Variants in FYCO1 observed in about 807,000 individuals in gnomAD.
FYCO1 encodes the protein FYVE and coiled-coil domain-containing protein 1.
Under a neutral mutation model 165.1 loss-of-function variants are expected in FYCO1, and 122 were observed. That is an observed-to-expected ratio of 0.74 (90% CI 0.64 to 0.86). FYCO1 has a LOEUF of 0.86. FYCO1 is among the 40% of genes least tolerant of loss of function. FYCO1 has a pLI of 0.00. For synonymous variants in FYCO1, 648 were observed against 742.5 expected, an observed-to-expected ratio of 0.87 and a Z score of 2.07; for missense variants, 1,702 against 1,810.3, an observed-to-expected ratio of 0.94 and a Z score of 1.09.
intron 1 of FYCO1, among the ~76,000 whole-genome samples, chr3:45,987,877 G>A (rs1186515620): frequency 6.6e-6 from 1 of 152,212 alleles, no homozygotes; most frequent in African/African-American, 2.4e-5. Context: ...AACAATGTCT[G>A]CAAACCCAAA....
chr3:45,988,259 C>T (rs1297944175), intron 1 of FYCO1, among the ~76,000 whole-genome samples: 1 of 152,136 alleles, frequency 6.6e-6, no homozygotes, highest in Non-Finnish European at 1.5e-5. Context: ...TTCAGGAACT[C>T]AGCATCTTGC....
At chr3:45,973,309 C>T (rs1706548883) in intron 5 of FYCO1, 78 bp from the exon 6 acceptor site, 1 of 1,436,352 alleles carries the variant, frequency 7.0e-7, no homozygotes. Context: ...GTGGCTCTGC[C>T]TCATCGAATT....
intron 1 of FYCO1, among the ~76,000 whole-genome samples, chr3:45,989,878 T>C (rs1477349268): frequency 6.6e-6 from 1 of 152,164 alleles, no homozygotes; most frequent in African/African-American, 2.4e-5. Context: ...AGGTGGGCAG[T>C]TGCTCAAGGG....
At position 45,967,854 on chromosome 3, in the gene FYCO1, T is replaced by A; in HGVS notation, c.1480A>T (p.Lys494Ter). 1.9e-6 allele frequency: 3 copies of A among 1,613,980 alleles called. No homozygotes were observed. The highest frequency in any genetic ancestry group is 1.7e-6 in the Non-Finnish European group (2 of 1,179,994). Reference protein sequence around the residue: ...EEELAELRREKKQQQEEKELL... With the variant: ...EEELAELRRE ...TCCTTCTCCTCCTGTTGCTGTTTTTTCTCCCGCCTCAACTCTGCTAGCTCC... is the reference window on the plus strand; with the variant it reads ...TCCTTCTCCTCCTGTTGCTGTTTTTACTCCCGCCTCAACTCTGCTAGCTCC... The change falls in exon 8 of 18, where the codon AAA becomes TAA. Residue 494 changes from lysine to a stop codon, truncating the protein, a stop_gained. Transcript: ENST00000296137. LOFTEE classifies it high-confidence loss of function.
At position 45,995,515 on chromosome 3, in the gene FYCO1, C is replaced by A. The variant is rs181070336; in HGVS notation, c.-113+207G>T. Among the ~76,000 whole-genome samples, 149 of 152,368 alleles carry A rather than the reference C, an allele frequency of 9.8e-4. 1 individual carries two copies. The highest frequency in any genetic ancestry group is 6.8e-3 in the Middle Eastern group (2 of 294). ...CCGACCAACAGAGGCAGGCTGGGTG[C>A]CTGGGCCGGCTTCCACCTGCCCGAG... On this transcript the variant is annotated intron_variant, in intron 1 of 17. Coordinates refer to ENST00000296137, the MANE Select transcript of FYCO1 (RefSeq NM_024513.4).
chr3:45,931,180 A>T lies in FYCO1; in HGVS notation c.4142T>A (p.Val1381Glu). 6.2e-7 allele frequency: 1 copy of T among 1,614,142 alleles called. No homozygotes were observed. The highest frequency in any genetic ancestry group is 8.5e-7 in the Non-Finnish European group (1 of 1,179,966). ...GCTGATGGTGAGGCCTGCCTCGGCCACAGTGATGGGGATCAGGCTGTAGGT... is the reference window on the plus strand; with the variant it reads ...GCTGATGGTGAGGCCTGCCTCGGCCTCAGTGATGGGGATCAGGCTGTAGGT... ...SSTYSLIPIT[V>E]AEAGLTISWV... The change falls in exon 16 of 18, where the codon GTG (valine) becomes GAG (glutamate). Residue 1381 changes from valine (V) to glutamate (E), a missense_variant. Physicochemically the swap from Val to Glu is moderately radical, Grantham distance 121. Transcript: ENST00000296137.
At position 45,937,865 on chromosome 3, in the gene FYCO1, C is replaced by T. The variant is rs544265694; in HGVS notation, c.3945-1322G>A. 2.0e-4 allele frequency among the ~76,000 whole-genome samples: 31 copies of T among 152,270 alleles called. No homozygotes were observed. The South Asian group carries it at 2.9e-3, about 14-fold the overall frequency. The stretch of plus-strand genomic sequence containing the variant: ...GGTTTCCAGGCCCGCACCCTCACCT[C>T]GGGACAAACAGAAACAGGGAACATC... On this transcript the variant is annotated intron_variant, in intron 14 of 17. Transcript: ENST00000296137.
At chr3:45,972,797 C>G (rs1331994061) in intron 6 of FYCO1, among the ~76,000 whole-genome samples, 1 of 152,218 alleles carries the variant, frequency 6.6e-6, no homozygotes, top group African/African-American at 2.4e-5. Flanking sequence ...CACTCCTCCC[C>G]CAATGCCCGT....
chr3:45,930,635 T>C (rs528718590), intron 16 of FYCO1, among the ~76,000 whole-genome samples: 6 of 152,304 alleles, frequency 3.9e-5, no homozygotes, highest in East Asian at 1.9e-4. Context: ...CCAAGTGACA[T>C]TGGGGTTGTC....
intron 14 of FYCO1, chr3:45,946,445 G>C: frequency 6.4e-7 from 1 of 1,553,972 alleles, no homozygotes. Context: ...TATAATTCCT[G>C]GGTTCTGACT....
At chr3:45,975,399 C>G in intron 4 of FYCO1, 54 bp from the exon 5 acceptor site, 8 of 1,328,830 alleles carry the variant, frequency 6.0e-6, no homozygotes, top group Non-Finnish European at 7.6e-6. Context: ...ACTCCAAATA[C>G]AGACCTGGTC....
Position 45,959,461 on chromosome 3 carries a change from G to C in FYCO1, c.3519C>G (p.Asp1173Glu), listed in dbSNP as rs1705566367. Residue 1173 changes from aspartate to glutamate, a missense_variant, in exon 12 of 18, where the codon GAC becomes GAG. By Grantham distance (45) the Asp-to-Glu change is conservative. Coordinates refer to ENST00000296137, the MANE Select transcript of FYCO1 (RefSeq NM_024513.4). ...AGTCGAGGCAGTGGTTTGCCTCTGTGTCTCCGAGCCATCTCTCCTCAGCAC... is the reference window on the plus strand; with the variant it reads ...AGTCGAGGCAGTGGTTTGCCTCTGTCTCTCCGAGCCATCTCTCCTCAGCAC... Reference protein sequence around the residue: ...KLSAEERWLGDTEANHCLDCK... With the variant: ...KLSAEERWLGETEANHCLDCK... 4 of 1,614,006 alleles carry C rather than the reference G, an allele frequency of 2.5e-6. No homozygotes were observed. Among genetic ancestry groups the C allele is most frequent in the African/African-American group, 1.3e-5 (1 of 74,920 alleles).
rs1236640642 is a variant in FYCO1 at position 45,993,217 on chromosome 3, A to G, written c.-113+2505T>C. 6.6e-6 allele frequency among the ~76,000 whole-genome samples: 1 copy of G among 152,172 alleles called. No homozygotes were observed. Among genetic ancestry groups the G allele is most frequent in the Non-Finnish European group, 1.5e-5 (1 of 68,024 alleles). On this transcript the variant is annotated intron_variant, in intron 1 of 17. Transcript: ENST00000296137. This position sits in a 1 kb window ranked among gnomAD's most constrained non-coding sequence, Gnocchi z 4.4. The stretch of plus-strand genomic sequence containing the variant: ...TTCAAATGCCACAGAGATCCAAGTG[A>G]ACAGGAAGGACCACTGGAAGTTACT...
At chr3:45,975,134 G>T (rs1706676405) in intron 5 of FYCO1, 105 bp downstream of exon 5, 2 of 836,138 alleles carry the variant, frequency 2.4e-6, no homozygotes, top group Non-Finnish European at 4.2e-6. Flanking sequence ...CAGTGTCACG[G>T]GGGACACAAA....
intron 1 of FYCO1, among the ~76,000 whole-genome samples, chr3:45,995,051 G>A (rs1325165965): frequency 2.2e-5 from 1 of 45,146 alleles, no homozygotes; most frequent in African/African-American, 8.5e-5. Flanking sequence ...CCCCCTCCCC[G>A]CCCCACCCCC....
At chr3:45,976,236 G>A (rs1166453861) in intron 4 of FYCO1, among the ~76,000 whole-genome samples, 2 of 151,994 alleles carry the variant, frequency 1.3e-5, no homozygotes, top group East Asian at 3.8e-4. Flanking sequence ...GGAAGGAGAT[G>A]TGACCGTAAC....
intron 16 of FYCO1, among the ~76,000 whole-genome samples, chr3:45,928,180 A>C (rs1465055707): frequency 6.6e-6 from 1 of 152,106 alleles, no homozygotes. Flanking sequence ...TGGTGGTACA[A>C]CTCTGTGAAT....
chr3:45,975,191 C>T, intron 5 of FYCO1, 48 bp downstream of exon 5: 1 of 1,274,150 alleles, frequency 7.8e-7, no homozygotes. Context: ...AACTTTAGTT[C>T]ATTTCTGCAC....
chr3:45,976,718 G>A (rs1162577029), intron 4 of FYCO1, among the ~76,000 whole-genome samples: 1 of 152,180 alleles, frequency 6.6e-6, no homozygotes, highest in Non-Finnish European at 1.5e-5. Context: ...CAGTGATTGA[G>A]GCTGTACCAC....
Sources: allele counts gnomAD v4.1 joint callset (sites outside exome capture counted in the v4.1 genomes callset), GRCh38; gene constraint gnomAD v4.1.1; non-coding constraint Gnocchi (gnomAD v3.1); transcripts MANE v1.5; gene names NCBI Gene and HGNC (gene_info 2026-07-23, HGNC 2026-07-21).